CACNG2: variants seen among roughly 807,000 people sequenced by gnomAD.
The protein encoded by CACNG2 is voltage-dependent calcium channel gamma-2 subunit.
A neutral mutation model predicts 25.9 loss-of-function variants in CACNG2; 3 were observed. The observed-to-expected ratio is 0.12, with a 90% CI of 0.05 to 0.30. The LOEUF (loss-of-function observed/expected upper bound fraction) is 0.30. Among genes scored for constraint, CACNG2 ranks in the 10% least tolerant of loss-of-function variants. CACNG2 has a pLI of 1.00. For synonymous variants in CACNG2, 167 were observed against 173.3 expected (o/e 0.96, Z 0.29); for missense variants, 341 against 432.5 (o/e 0.79, Z 1.88).
At chr22:36,585,333 G>A (rs968591327) in intron 2 of CACNG2, 2 of 152,148 alleles carry the variant, frequency 1.3e-5, no homozygotes, top group Non-Finnish European at 1.5e-5. Context: ...GCGGGGGTAG[G>A]GACTGGGGGC....
chr22:36,673,477 C>G (rs80123178), intron 1 of CACNG2, among the ~76,000 whole-genome samples: 1,987 of 152,250 alleles, frequency 0.013, 36 homozygotes, highest in African/African-American at 0.046. Flanking sequence ...AGAACATACA[C>G]ATTGATTTCT....
chr22:36,621,982 G>A (rs1936112775), intron 1 of CACNG2, among the ~76,000 whole-genome samples: 1 of 152,210 alleles, frequency 6.6e-6, no homozygotes, highest in South Asian at 2.1e-4. Flanking sequence ...GACATTTACT[G>A]AGTGCTCCCT....
rs554360925 is a variant in CACNG2, at chr22:36,690,143, G to A, written c.211+12223C>T. On this transcript the variant is annotated intron_variant, in intron 1 of 3. Coordinates refer to ENST00000300105, the MANE Select transcript of CACNG2 (RefSeq NM_006078.5). ...ACTCTACCTCTAATTTGCCATAGGC[G>A]TAGAGGAGGATTTGCAAACTTCGAC... Among the ~76,000 whole-genome samples the A allele has an allele frequency of 5.9e-5, 9 of 152,334 alleles. No individual in the cohort carries two copies. The South Asian group carries it at 1.2e-3, about 21-fold the overall frequency.
chr22:36,631,043 C>T (rs932860278), intron 1 of CACNG2, among the ~76,000 whole-genome samples: 1 of 152,100 alleles, frequency 6.6e-6, no homozygotes. Flanking sequence ...GTTGGCCAGG[C>T]TGTTCTCGAA....
chr22:36,682,716 A>G (rs1000219722), intron 1 of CACNG2, among the ~76,000 whole-genome samples: 1 of 152,232 alleles, frequency 6.6e-6, no homozygotes, highest in African/African-American at 2.4e-5. Flanking sequence ...TCAAAATTGA[A>G]TAGAAAGTCA....
Position 36,564,320 on chromosome 22 carries a change from T to TCCCGCGGTCTTCTGGCGAGG in CACNG2, c.*11_*30dup. 1 of 1,431,574 alleles carries TCCCGCGGTCTTCTGGCGAGG rather than the reference T, an allele frequency of 7.0e-7. No homozygotes were observed. The highest frequency in any genetic ancestry group is 9.4e-7 in the Non-Finnish European group (1 of 1,064,704). 88.7% of individuals were successfully genotyped at this position (1,431,574 alleles called of 1,614,324 possible). On this transcript the variant is annotated 3_prime_UTR_variant, in exon 4 of 4. Coordinates refer to ENST00000300105, the MANE Select transcript of CACNG2 (RefSeq NM_006078.5). The surrounding 1 kb of genome is among the most constrained non-coding windows in gnomAD (Gnocchi z 6.7). ...CCCGCCCCCGGGGACCGCGCCCTCC[T>TCCCGCGGTCTTCTGGCGAGG]CCCGCGGTCTTCTGGCGAGGCCCGC...
intron 1 of CACNG2, among the ~76,000 whole-genome samples, chr22:36,654,032 G>A (rs1256618736): frequency 6.7e-6 from 1 of 148,566 alleles, no homozygotes. Flanking sequence ...GTGCGCATTT[G>A]GGGGGTACTT....
chr22:36,579,529 G>C (rs989095045), intron 2 of CACNG2, among the ~76,000 whole-genome samples: 1 of 151,416 alleles, frequency 6.6e-6, no homozygotes, highest in African/African-American at 2.4e-5. Flanking sequence ...CCTGGAGATA[G>C]CTGTGGTCTC....
rs980636929 is a variant in CACNG2, at chr22:36,673,299, G to C, written c.211+29067C>G. On this transcript the variant is annotated intron_variant, in intron 1 of 3. Transcript: ENST00000300105. ...CCAGAAAGCAAAGACAGCAAGGCGG[G>C]AAATGGGTCCAGCAAAAGAGAAGAA... is the stretch of plus-strand genomic sequence containing the variant. Among the ~76,000 whole-genome samples the C allele has an allele frequency of 6.6e-5, 10 of 152,136 alleles. No homozygotes were observed. The East Asian group carries it at 1.5e-3, about 23-fold the overall frequency.
chr22:36,659,192 C>T (rs533736041), intron 1 of CACNG2, among the ~76,000 whole-genome samples: 23 of 152,162 alleles, frequency 1.5e-4, no homozygotes, highest in Admixed American at 3.9e-4. Context: ...TAAGGGAAAG[C>T]GGGAGGGTGG....
intron 1 of CACNG2, among the ~76,000 whole-genome samples, chr22:36,673,536 A>G (rs960216608): frequency 2.0e-5 from 3 of 152,136 alleles, no homozygotes; most frequent in African/African-American, 7.2e-5. Context: ...TGGAGGGGCT[A>G]CTTCAGTGCA....
chr22:36,651,473 C>A (rs1348661139), intron 1 of CACNG2, among the ~76,000 whole-genome samples: 1 of 152,012 alleles, frequency 6.6e-6, no homozygotes, highest in South Asian at 2.1e-4. Context: ...CAGTGATCTG[C>A]CTGCCTTGGC....
chr22:36,629,901 A>T (rs183365117), intron 1 of CACNG2, among the ~76,000 whole-genome samples: 3 of 152,326 alleles, frequency 2.0e-5, no homozygotes, highest in Non-Finnish European at 4.4e-5. Flanking sequence ...CAAAGCCTAC[A>T]GGAAGGAATA....
intron 1 of CACNG2, among the ~76,000 whole-genome samples, chr22:36,597,051 C>G (rs540419718): frequency 6.6e-6 from 1 of 152,146 alleles, no homozygotes; most frequent in Non-Finnish European, 1.5e-5. Context: ...GAGATAGAGT[C>G]TCTCTCTGTT....
intron 1 of CACNG2, among the ~76,000 whole-genome samples, chr22:36,625,741 T>G (rs1936174248): frequency 6.6e-6 from 1 of 152,208 alleles, no homozygotes. Flanking sequence ...CATAAAACCT[T>G]CAGAAGGTAA....
chr22:36,616,645 G>C (rs5756266), intron 1 of CACNG2, among the ~76,000 whole-genome samples: 2 of 151,956 alleles, frequency 1.3e-5, no homozygotes, highest in African/African-American at 4.8e-5. Context: ...CAGGGGTTGA[G>C]ATGCATTTCG....
At chr22:36,633,545 C>T (rs529396047) in intron 1 of CACNG2, among the ~76,000 whole-genome samples, 1 of 152,206 alleles carries the variant, frequency 6.6e-6, no homozygotes, top group African/African-American at 2.4e-5. Flanking sequence ...TCACCACACT[C>T]CTGGATGTCC....
intron 1 of CACNG2, among the ~76,000 whole-genome samples, chr22:36,666,938 C>T (rs1341677109): frequency 6.6e-6 from 1 of 151,938 alleles, no homozygotes; most frequent in Non-Finnish European, 1.5e-5. Context: ...TCTTTCTCTG[C>T]AAGAACTGCT....
At chr22:36,613,148 C>A (rs1038640396) in intron 1 of CACNG2, among the ~76,000 whole-genome samples, 7 of 135,558 alleles carry the variant, frequency 5.2e-5, no homozygotes, top group African/African-American at 1.9e-4. Context: ...CATTTCATTA[C>A]AGGCTCTCTG....
Sources: gnomAD v4.1 joint callset for allele counts (sites outside exome capture counted in the v4.1 genomes callset) on GRCh38, gnomAD v4.1.1 for gene constraint, Gnocchi (gnomAD v3.1) non-coding constraint, MANE v1.5 for transcripts, NCBI Gene and HGNC (gene_info 2026-07-23, HGNC 2026-07-21) for gene names.